The following ADAMTS6 variants were observed in gnomAD, a reference collection of about 807,000 sequenced individuals.
ADAMTS6 encodes the protein ADAM metallopeptidase with thrombospondin type 1 motif 6.
A neutral mutation model predicts 144.3 loss-of-function variants in ADAMTS6; 23 were observed. The observed-to-expected ratio is 0.16, with a 90% CI of 0.11 to 0.23. ADAMTS6 has a LOEUF of 0.23. Among genes scored for constraint, ADAMTS6 ranks in the 10% least tolerant of loss-of-function variants. ADAMTS6 has a pLI of 1.00. For missense variants in ADAMTS6, 999 were observed against 1,379.6 expected (o/e 0.72, Z 4.37); for synonymous variants, 444 against 457.5 (o/e 0.97, Z 0.38).
chr5:65,161,080 C>G (rs1031402163), intron 24 of ADAMTS6, among the ~76,000 whole-genome samples: 30 of 151,854 alleles, frequency 2.0e-4, no homozygotes, highest in African/African-American at 6.5e-4. Flanking sequence ...ACTCTGTCAC[C>G]CTGGCTGGAG....
chr5:65,479,434 T>C (rs80176128), intron 1 of ADAMTS6, among the ~76,000 whole-genome samples: 1 of 152,200 alleles, frequency 6.6e-6, no homozygotes, highest in South Asian at 2.1e-4. Flanking sequence ...CTAAATTACA[T>C]GTAGTCTCAC....
At chr5:65,276,739 T>C (rs540536345) in intron 11 of ADAMTS6, among the ~76,000 whole-genome samples, 1 of 152,350 alleles carries the variant, frequency 6.6e-6, no homozygotes, top group Non-Finnish European at 1.5e-5. Flanking sequence ...TAAAGTTAAA[T>C]GGATGCTGAA....
intron 20 of ADAMTS6, among the ~76,000 whole-genome samples, chr5:65,212,834 C>T (rs928207069): frequency 6.6e-6 from 1 of 152,132 alleles, no homozygotes; most frequent in African/African-American, 2.4e-5. Context: ...TCCACTTTAA[C>T]TTTAGACTAT....
chr5:65,196,429 A>G (rs995690468), intron 21 of ADAMTS6, among the ~76,000 whole-genome samples: 2 of 147,416 alleles, frequency 1.4e-5, no homozygotes, highest in Non-Finnish European at 3.0e-5. Flanking sequence ...AGGCTGAGGC[A>G]GGAGAATGGC....
chr5:65,413,948 A>C (rs6886919), intron 7 of ADAMTS6, among the ~76,000 whole-genome samples: 31,263 of 152,106 alleles, frequency 0.21, 4,698 homozygotes, highest in African/African-American at 0.43. Context: ...ATCCTTTGGC[A>C]TATTGAATAT....
chr5:65,210,536 C>G, intron 20 of ADAMTS6: 1 of 465,560 alleles, frequency 2.1e-6, no homozygotes. Flanking sequence ...GATGTTCAAC[C>G]AGGTGTCTTT....
At chr5:65,245,234 C>A (rs1329116780) in intron 14 of ADAMTS6, among the ~76,000 whole-genome samples, 1 of 152,132 alleles carries the variant, frequency 6.6e-6, no homozygotes, top group Non-Finnish European at 1.5e-5. Flanking sequence ...ACCCTGAAAG[C>A]TCCACTTCCC....
chr5:65,413,086 C>G (rs1293128551), intron 7 of ADAMTS6, among the ~76,000 whole-genome samples: 1 of 152,128 alleles, frequency 6.6e-6, no homozygotes, highest in African/African-American at 2.4e-5. Flanking sequence ...AAAGGAAGAA[C>G]TTGTCTTTTT....
chr5:65,201,724 A>T (rs1755749866), intron 20 of ADAMTS6, among the ~76,000 whole-genome samples: 1 of 152,208 alleles, frequency 6.6e-6, no homozygotes, highest in Non-Finnish European at 1.5e-5. Context: ...CTAGTGACAT[A>T]GCACATCATA....
intron 20 of ADAMTS6, among the ~76,000 whole-genome samples, chr5:65,213,219 T>A (rs988766813): frequency 6.6e-6 from 1 of 151,926 alleles, no homozygotes; most frequent in African/African-American, 2.4e-5. Context: ...CCATGTTTCA[T>A]GATACTTTAC....
intron 7 of ADAMTS6, among the ~76,000 whole-genome samples, chr5:65,420,661 G>A (rs933242864): frequency 3.3e-5 from 3 of 90,220 alleles, no homozygotes; most frequent in African/African-American, 1.8e-4. Context: ...GATTACAGGC[G>A]TGACCACTGC....
At chr5:65,265,985 T>C (rs1417322877) in intron 12 of ADAMTS6, among the ~76,000 whole-genome samples, 2 of 151,878 alleles carry the variant, frequency 1.3e-5, no homozygotes, top group East Asian at 1.9e-4. Flanking sequence ...TACAAAATAA[T>C]ACTAGAGTTT....
chr5:65,473,269 C>T (rs1760604252), intron 2 of ADAMTS6, among the ~76,000 whole-genome samples: 1 of 151,962 alleles, frequency 6.6e-6, no homozygotes, highest in Non-Finnish European at 1.5e-5. Flanking sequence ...ATGTCCTTGC[C>T]CATAAACTCT....
intron 15 of ADAMTS6, among the ~76,000 whole-genome samples, chr5:65,230,287 CATATATAT>C (rs70983664): frequency 0.21 from 13,701 of 64,440 alleles, 2,366 homozygotes; most frequent in African/African-American, 0.28. Context: ...ATACCTAAAG[CATATATAT>C]ATATATATAT....
intron 2 of ADAMTS6, 22 bp downstream of exon 2, chr5:65,473,555 G>T: frequency 6.3e-7 from 1 of 1,581,882 alleles, no homozygotes. Context: ...TTTTTTGTCA[G>T]TTTCAAAAGC....
chr5:65,452,975 G>T, intron 4 of ADAMTS6, 57 bp from the exon 5 acceptor site: 8 of 1,321,820 alleles, frequency 6.1e-6, no homozygotes, highest in Non-Finnish European at 8.5e-6. Context: ...TTTATTTATA[G>T]ATCTTTCATG....
At chr5:65,189,655 A>C (rs1300796310) in intron 21 of ADAMTS6, among the ~76,000 whole-genome samples, 1 of 152,240 alleles carries the variant, frequency 6.6e-6, no homozygotes, top group African/African-American at 2.4e-5. Flanking sequence ...TTTATTAAAT[A>C]TTTGCTGAAT....
rs368778244 is a variant in ADAMTS6, at chr5:65,154,166, C to T, written c.3245-2221G>A. On this transcript the variant is annotated intron_variant, in intron 24 of 24. Transcript: ENST00000381055. ...GAGGTTGCAGTGAGCTGAGATTGTG[C>T]TACTTCACTCCAGCCTGGGCGACAG... is the stretch of plus-strand genomic sequence containing the variant. Among the ~76,000 whole-genome samples, 6 of 152,230 alleles carry T rather than the reference C, an allele frequency of 3.9e-5. No individual in the cohort carries two copies. In the East Asian group the frequency reaches 5.8e-4, roughly 15 times the overall value.
intron 11 of ADAMTS6, among the ~76,000 whole-genome samples, chr5:65,274,079 A>G (rs1327540086): frequency 3.9e-5 from 6 of 152,250 alleles, no homozygotes; most frequent in Admixed American, 2.6e-4. Flanking sequence ...CTGTTTATAG[A>G]ATGCTTTGGG....
Sources: gnomAD v4.1 joint callset for allele counts (sites outside exome capture counted in the v4.1 genomes callset) on GRCh38, gnomAD v4.1.1 for gene constraint, MANE v1.5 for transcripts, NCBI Gene and HGNC (gene_info 2026-07-23, HGNC 2026-07-21) for gene names.